TMEM132D: variants seen among roughly 807,000 people sequenced by gnomAD.
TMEM132D encodes the protein transmembrane protein 132D, also known as mature OL transmembrane protein.
A neutral mutation model predicts 62.3 loss-of-function variants in TMEM132D; 21 were observed. The observed-to-expected ratio is 0.34, with a 90% CI of 0.24 to 0.49. The LOEUF (loss-of-function observed/expected upper bound fraction) is 0.49. TMEM132D is among the 20% of genes least tolerant of loss of function. TMEM132D has a pLI of 0.99. For missense variants in TMEM132D, 1,346 were observed against 1,402.8 expected, an observed-to-expected ratio of 0.96 and a Z score of 0.65; for synonymous variants, 621 against 575.6, an observed-to-expected ratio of 1.08 and a Z score of -1.13.
chr12:129,192,596 T>C (rs1346692119), intron 5 of TMEM132D, among the ~76,000 whole-genome samples: 3 of 152,148 alleles, frequency 2.0e-5, no homozygotes, highest in African/African-American at 4.8e-5. Context: ...AAATTTAGGG[T>C]TGTTCACATA....
intron 5 of TMEM132D, among the ~76,000 whole-genome samples, chr12:129,173,766 A>C (rs897182318): frequency 3.9e-5 from 6 of 152,188 alleles, no homozygotes; most frequent in African/African-American, 1.4e-4. Context: ...ATTTTTGTGA[A>C]TATCCATAAT....
intron 1 of TMEM132D, among the ~76,000 whole-genome samples, chr12:129,774,229 A>G (rs999814103): frequency 1.3e-5 from 2 of 152,140 alleles, no homozygotes; most frequent in Admixed American, 6.5e-5. Context: ...CACATTGTAC[A>G]TGGCCATTAG....
Position 129,460,357 on chromosome 12 carries a change from T to C in TMEM132D, c.1115+70702A>G, listed in dbSNP as rs1168336787. ...ATTTCTCCACTGATTATTTCCAGGA[T>C]TGGAGATTTGAAAAAGCGGATAAGG... On this transcript the variant is annotated intron_variant, in intron 3 of 8. Coordinates refer to ENST00000422113, the MANE Select transcript of TMEM132D (RefSeq NM_133448.3). Among the ~76,000 whole-genome samples, 4 of 152,140 alleles carry C rather than the reference T, an allele frequency of 2.6e-5. No homozygotes were observed. The East Asian group carries it at 5.8e-4, about 22-fold the overall frequency.
intron 4 of TMEM132D, among the ~76,000 whole-genome samples, chr12:129,285,696 T>G (rs1881277176): frequency 6.6e-6 from 1 of 152,152 alleles, no homozygotes; most frequent in Admixed American, 6.6e-5. Flanking sequence ...TAAGTTTCTA[T>G]TTTGATATAG....
Position 129,636,733 on chromosome 12 carries a change from TGTGTGA to T in TMEM132D, c.968+63071_968+63076del, listed in dbSNP as rs869294379. Among the ~76,000 whole-genome samples the T allele has an allele frequency of 7.2e-3, 655 of 90,664 alleles. 7 individuals are homozygous for T. The highest frequency in any genetic ancestry group is 0.025 in the African/African-American group (618 of 25,122). The allele number at this position is 90,664 out of a possible 152,430, so 59.5% of individuals were successfully genotyped here. ...GTGTGTGTGTGTGTGTGTGTGTGTGTGTGTGAGAGAGAGAGAGAGAGAGACAGAGAG... is the reference window on the plus strand; with the variant it reads ...GTGTGTGTGTGTGTGTGTGTGTGTGTGAGAGAGAGAGAGAGAGACAGAGAG... On this transcript the variant is annotated intron_variant, in intron 2 of 8. Coordinates refer to ENST00000422113, the MANE Select transcript of TMEM132D (RefSeq NM_133448.3).
chr12:129,709,238 C>T (rs1390610991), intron 1 of TMEM132D, among the ~76,000 whole-genome samples: 2 of 152,124 alleles, frequency 1.3e-5, no homozygotes, highest in African/African-American at 2.4e-5. Context: ...TTGAAATTTC[C>T]TGTCTCTCTG....
chr12:129,754,765 C>G (rs1870110868), intron 1 of TMEM132D, among the ~76,000 whole-genome samples: 1 of 152,128 alleles, frequency 6.6e-6, no homozygotes, highest in Non-Finnish European at 1.5e-5. Context: ...AAAAGAAAGA[C>G]CAAAGAGACA....
intron 1 of TMEM132D, among the ~76,000 whole-genome samples, chr12:129,715,502 C>T (rs1332146963): frequency 1.3e-5 from 2 of 152,166 alleles, no homozygotes; most frequent in Non-Finnish European, 1.5e-5. Context: ...GGAGTTAAGA[C>T]TCTGTAGATA....
chr12:129,802,647 C>G (rs1871835605), intron 1 of TMEM132D, among the ~76,000 whole-genome samples: 1 of 138,712 alleles, frequency 7.2e-6, no homozygotes, highest in South Asian at 2.6e-4. Context: ...GCAAAATAAC[C>G]AGCTAACATC....
chr12:129,480,131 C>T (rs1171301844), intron 3 of TMEM132D, among the ~76,000 whole-genome samples: 1 of 152,196 alleles, frequency 6.6e-6, no homozygotes, highest in Non-Finnish European at 1.5e-5. Context: ...TTGAGCAAGC[C>T]TCCTGGCAGA....
chr12:129,618,565 A>G (rs1377548158), intron 2 of TMEM132D, among the ~76,000 whole-genome samples: 2 of 152,224 alleles, frequency 1.3e-5, no homozygotes, highest in East Asian at 1.9e-4. Flanking sequence ...TACTACAGAT[A>G]ACCTTCAAAA....
Position 129,605,268 on chromosome 12 carries a change from G to A in TMEM132D, c.969-74063C>T, listed in dbSNP as rs1008633087. ...GTTATCAAACTGATGTGCACTTGTG[G>A]GGACATTAGTTTTACCACGGTATTG... is the stretch of plus-strand genomic sequence containing the variant. On this transcript the variant is annotated intron_variant, in intron 2 of 8. Transcript: ENST00000422113. Among the ~76,000 whole-genome samples, 9 of 152,114 alleles carry A rather than the reference G, an allele frequency of 5.9e-5. 1 individual carries two copies. In the Middle Eastern group the frequency reaches 0.021, roughly 347 times the overall value.
intron 4 of TMEM132D, among the ~76,000 whole-genome samples, chr12:129,213,230 C>T (rs1879105456): frequency 6.6e-6 from 1 of 152,194 alleles, no homozygotes; most frequent in African/African-American, 2.4e-5. Context: ...CAGTGGCTCA[C>T]ACCTGCAATC....
Position 129,336,055 on chromosome 12 carries a change from G to A in TMEM132D, c.1299+1579C>T, listed in dbSNP as rs149784120. On this transcript the variant is annotated intron_variant, in intron 4 of 8. Coordinates refer to ENST00000422113, the MANE Select transcript of TMEM132D (RefSeq NM_133448.3). Reference sequence around the variant, plus strand: ...AAGTAGAAGGAAAGATGGGGCCTGGGTCTCAGATGTCATGGAACACCAAAC... The same window carrying A: ...AAGTAGAAGGAAAGATGGGGCCTGGATCTCAGATGTCATGGAACACCAAAC... 2.9e-3 allele frequency among the ~76,000 whole-genome samples: 437 copies of A among 152,306 alleles called. 2 individuals carry two copies. The highest frequency in any genetic ancestry group is 8.8e-3 in the African/African-American group (364 of 41,574).
At position 129,903,469 on chromosome 12, in the gene TMEM132D, C is replaced by A. The variant is rs557506654; in HGVS notation, c.-130G>T. ...GCGCCCGGCTAGGGGCCCGAGCAGC[C>A]CGGGCGCCCTGCTCCCTCTTCCCGC... is the stretch of plus-strand genomic sequence containing the variant. On this transcript the variant is annotated 5_prime_UTR_variant, in exon 1 of 9. Coordinates refer to ENST00000422113, the MANE Select transcript of TMEM132D (RefSeq NM_133448.3). This position sits in a 1 kb window ranked among gnomAD's most constrained non-coding sequence, Gnocchi z 6.2. 12 of 944,414 alleles carry A rather than the reference C, an allele frequency of 1.3e-5. No individual in the cohort carries two copies. The South Asian group carries it at 2.0e-4, about 15-fold the overall frequency. 58.5% of individuals were successfully genotyped at this position (944,414 alleles called of 1,614,324 possible).
intron 1 of TMEM132D, among the ~76,000 whole-genome samples, chr12:129,707,723 T>A (rs1054375409): frequency 1.3e-5 from 2 of 152,220 alleles, no homozygotes; most frequent in Admixed American, 1.3e-4. Flanking sequence ...GCAAGATACA[T>A]TTCTGTCTTT....
In TMEM132D at chr12:129,096,792, A is replaced by G. The variant is rs147183072; in HGVS notation, c.1444-12090T>C. Among the ~76,000 whole-genome samples the G allele has an allele frequency of 2.4e-3, 370 of 152,278 alleles. 1 individual carries two copies. Among genetic ancestry groups the G allele is most frequent in the African/African-American group, 8.4e-3 (347 of 41,550 alleles). The stretch of plus-strand genomic sequence containing the variant: ...ATATATAGTCCATATTCTATAGCCT[A>G]TTTTCTTCTAAAATCAGAAATTCAA... On this transcript the variant is annotated intron_variant, in intron 5 of 8. Coordinates refer to ENST00000422113, the MANE Select transcript of TMEM132D (RefSeq NM_133448.3).
At chr12:129,835,962 T>G (rs1432599109) in intron 1 of TMEM132D, among the ~76,000 whole-genome samples, 4 of 152,230 alleles carry the variant, frequency 2.6e-5, no homozygotes, top group Non-Finnish European at 5.9e-5. Flanking sequence ...ATCAGCCTGT[T>G]CCCTGAGCAG....
chr12:129,195,809 C>A (rs1220710628), intron 5 of TMEM132D, among the ~76,000 whole-genome samples: 1 of 151,954 alleles, frequency 6.6e-6, no homozygotes, highest in African/African-American at 2.4e-5. Flanking sequence ...GTCCATTCAA[C>A]AACAGAAAAA....
Sources: gnomAD v4.1 joint callset for allele counts (sites outside exome capture counted in the v4.1 genomes callset) on GRCh38, gnomAD v4.1.1 for gene constraint, Gnocchi (gnomAD v3.1) non-coding constraint, MANE v1.5 for transcripts, NCBI Gene and HGNC (gene_info 2026-07-23, HGNC 2026-07-21) for gene names.